Variants in MYO5A observed in about 807,000 individuals in gnomAD.
The protein encoded by MYO5A is unconventional myosin-Va.
A neutral mutation model predicts 249.7 loss-of-function variants in MYO5A; 98 were observed. That is an observed-to-expected ratio of 0.39 (90% CI 0.33 to 0.46). The LOEUF (loss-of-function observed/expected upper bound fraction) is 0.46. Ranked by LOEUF, MYO5A falls within the 20% of genes least tolerant of loss-of-function variation. The pLI, the probability that MYO5A is intolerant of heterozygous loss-of-function variation, is 0.98. For missense variants in MYO5A, 1,696 were observed against 2,308.8 expected (o/e 0.73, Z 5.44); for synonymous variants, 778 against 810.6 (o/e 0.96, Z 0.68).
At chr15:52,390,194 A>G (rs2042158037) in intron 12 of MYO5A, among the ~76,000 whole-genome samples, 1 of 152,160 alleles carries the variant, frequency 6.6e-6, no homozygotes, top group South Asian at 2.1e-4. Context: ...AATAGGTACC[A>G]AAAAATTAGA....
chr15:52,379,239 GT>G (rs1430677217), intron 18 of MYO5A, among the ~76,000 whole-genome samples: 2 of 152,152 alleles, frequency 1.3e-5, no homozygotes, highest in African/African-American at 4.8e-5. Flanking sequence ...AGACACTACA[GT>G]TAAATATTAT....
chr15:52,438,977 G>C, intron 1 of MYO5A, among the ~76,000 whole-genome samples: 1 of 152,230 alleles, frequency 6.6e-6, no homozygotes, highest in East Asian at 1.9e-4. Flanking sequence ...CTCCCGATAG[G>C]GCTACAGGCT....
chr15:52,319,453 C>T (rs1026079269), intron 38 of MYO5A, 111 bp from the exon 39 acceptor site: 13 of 1,181,928 alleles, frequency 1.1e-5, no homozygotes, highest in Non-Finnish European at 1.2e-5. Flanking sequence ...ATTAGCTGGG[C>T]ACGGTGGCTC....
chr15:52,364,971 A>G (rs2040740043), intron 23 of MYO5A, among the ~76,000 whole-genome samples: 1 of 152,200 alleles, frequency 6.6e-6, no homozygotes, highest in Non-Finnish European at 1.5e-5. Flanking sequence ...CACATCCTTG[A>G]AAAACTTCCA....
intron 25 of MYO5A, among the ~76,000 whole-genome samples, chr15:52,356,558 G>T (rs1327412487): frequency 6.6e-6 from 1 of 151,478 alleles, no homozygotes; most frequent in African/African-American, 2.4e-5. Flanking sequence ...TTACTGATGG[G>T]TGTTGAAGTT....
At chr15:52,463,414 CA>C (rs1567150483) in intron 1 of MYO5A, among the ~76,000 whole-genome samples, 2 of 152,098 alleles carry the variant, frequency 1.3e-5, no homozygotes, top group Non-Finnish European at 2.9e-5. Flanking sequence ...TTTCTTAAGA[CA>C]TATAAAACTA....
chr15:52,496,932 T>G (rs2077049190), intron 1 of MYO5A, among the ~76,000 whole-genome samples: 1 of 152,160 alleles, frequency 6.6e-6, no homozygotes, highest in Non-Finnish European at 1.5e-5. Context: ...CGATATAGGC[T>G]GCCCTGCAAG....
In MYO5A at chr15:52,372,308, G is replaced by A; in HGVS notation, c.2633C>T (p.Ala878Val). The change falls in exon 21 of 42, where the codon GCC (alanine) becomes GTC (valine). Residue 878 changes from alanine to valine, a missense_variant. Physicochemically the swap from Ala to Val is moderately conservative, Grantham distance 64. This residue lies in a region of MYO5A where 412 missense variants were observed against 453.3 expected (regional missense o/e 0.91). Transcript: ENST00000399233. ...CATGCTCCTCTTGTAGTGTGTGCGG[G>A]CCAGCCAGCCCCGGACTCGCTTCTG... ...IIQKRVRGWLARTHYKRSMHA... is the reference protein window; with the variant it reads ...IIQKRVRGWLVRTHYKRSMHA... 2 of 1,608,264 alleles carry A rather than the reference G, an allele frequency of 1.2e-6. No individual in the cohort carries two copies. Among genetic ancestry groups the A allele is most frequent in the Non-Finnish European group, 1.7e-6 (2 of 1,179,990 alleles).
chr15:52,383,200 A>G lies in MYO5A; in HGVS notation c.1915-12T>C. Reference sequence around the variant, plus strand: ...AGGGAGTTTCTGAACTGCATGAAAAAGGGCAGAAGAGGGTATCAAGGCTTT... The same window carrying G: ...AGGGAGTTTCTGAACTGCATGAAAAGGGGCAGAAGAGGGTATCAAGGCTTT... On this transcript the variant is annotated splice_polypyrimidine_tract_variant and intron_variant, in intron 15 of 41. Transcript: ENST00000399233. The G allele has an allele frequency of 6.3e-7, 1 of 1,582,394 alleles. No individual in the cohort carries two copies. Among genetic ancestry groups the G allele is most frequent in the Non-Finnish European group, 8.7e-7 (1 of 1,151,170 alleles).
At chr15:52,400,800 C>A (rs937624191) in intron 9 of MYO5A, among the ~76,000 whole-genome samples, 4 of 152,106 alleles carry the variant, frequency 2.6e-5, no homozygotes, top group African/African-American at 9.7e-5. Flanking sequence ...GGAATGTCTG[C>A]CAGGTTTCTT....
chr15:52,386,554 CT>C (rs34368283), intron 14 of MYO5A, among the ~76,000 whole-genome samples: 245 of 145,294 alleles, frequency 1.7e-3, no homozygotes, highest in Middle Eastern at 3.6e-3. Context: ...CACTTTAACT[CT>C]TTTTTTTTTT....
chr15:52,428,460 G>A lies in MYO5A; in HGVS notation c.248C>T (p.Pro83Leu). 1 of 1,614,142 alleles carries A rather than the reference G, an allele frequency of 6.2e-7. No homozygotes were observed. The highest frequency in any genetic ancestry group is 8.5e-7 in the Non-Finnish European group (1 of 1,179,976). Residue 83 changes from proline to leucine, a missense_variant, in exon 3 of 42, where the codon CCT (proline) becomes CTT (leucine). Around this residue, in one of 5 missense-constraint regions of MYO5A, gnomAD observed 197 missense variants for 320.3 expected, o/e 0.62. Transcript: ENST00000399233. ...DLTALSYLHE[P>L]AVLHNLRVRF... The stretch of plus-strand genomic sequence containing the variant: ...GACTCTGAGATTATGGAGCACAGCA[G>A]GCTCATGAAGATAGCTGAGGGCTGT...
intron 30 of MYO5A, among the ~76,000 whole-genome samples, chr15:52,345,317 C>T (rs1444120952): frequency 5.3e-5 from 8 of 152,162 alleles, no homozygotes; most frequent in Non-Finnish European, 8.8e-5. Flanking sequence ...CGCAGTGGCT[C>T]ATGCCTGTAA....
chr15:52,510,319 C>T (rs2077364097), intron 1 of MYO5A, among the ~76,000 whole-genome samples: 1 of 152,208 alleles, frequency 6.6e-6, no homozygotes, highest in South Asian at 2.1e-4. Flanking sequence ...AATTTAGCCT[C>T]TACTCATTCA....
At chr15:52,378,475 GC>G in intron 18 of MYO5A, among the ~76,000 whole-genome samples, 1 of 107,602 alleles carries the variant, frequency 9.3e-6, no homozygotes, top group Non-Finnish European at 1.8e-5. Flanking sequence ...GAGCCGAGAT[GC>G]CACTGTACTC....
At chr15:52,317,283 ATTTT>A (rs1248082655) in intron 39 of MYO5A, 61 bp from the exon 40 acceptor site, 1 of 1,545,910 alleles carries the variant, frequency 6.5e-7, no homozygotes, top group African/African-American at 1.4e-5. Flanking sequence ...AAATGTCTTA[ATTTT>A]TTTGTGTGCG....
intron 1 of MYO5A, among the ~76,000 whole-genome samples, chr15:52,509,480 G>A (rs999157265): frequency 4.6e-5 from 7 of 152,186 alleles, no homozygotes; most frequent in African/African-American, 1.7e-4. Context: ...ATGATCAGCT[G>A]ACAGACAGCA....
In MYO5A at chr15:52,509,293, T is replaced by G. The variant is rs565568072; in HGVS notation, c.27+19487A>C. 8.5e-5 allele frequency among the ~76,000 whole-genome samples: 13 copies of G among 152,312 alleles called. No homozygotes were observed. In the South Asian group the frequency reaches 1.7e-3, roughly 19 times the overall value. Reference sequence around the variant, plus strand: ...GGCCAGATTAAACTCTTTTTTAGTTTACTCAAAGGCAGCATCCTCATATTG... The same window carrying G: ...GGCCAGATTAAACTCTTTTTTAGTTGACTCAAAGGCAGCATCCTCATATTG... On this transcript the variant is annotated intron_variant, in intron 1 of 41. Coordinates refer to ENST00000399233, the MANE Select transcript of MYO5A (RefSeq NM_001382347.1).
At chr15:52,389,702 C>G (rs1422832527) in intron 12 of MYO5A, among the ~76,000 whole-genome samples, 2 of 152,146 alleles carry the variant, frequency 1.3e-5, no homozygotes, top group Non-Finnish European at 2.9e-5. Context: ...CCTGTAATCT[C>G]AGCACTTTGG....
Sources: allele counts gnomAD v4.1 joint callset (sites outside exome capture counted in the v4.1 genomes callset), GRCh38; gene constraint gnomAD v4.1.1; regional missense constraint gnomAD v4.1.1; transcripts MANE v1.5; gene names NCBI Gene and HGNC (gene_info 2026-07-23, HGNC 2026-07-21).